The following WDR47 variants were observed in gnomAD, a reference collection of about 807,000 sequenced individuals.
WDR47 encodes WD repeat-containing protein 47.
Under a neutral mutation model 97.2 loss-of-function variants are expected in WDR47, and 32 were observed. The observed-to-expected ratio is 0.33, with a 90% CI of 0.25 to 0.44. The LOEUF (loss-of-function observed/expected upper bound fraction) is 0.44, where lower values mean the gene tolerates loss of function less well. WDR47 is among the 20% of genes least tolerant of loss of function. The pLI is 1.00. For missense variants in WDR47, 782 were observed against 1,102.3 expected (o/e 0.71, Z 4.11); for synonymous variants, 375 against 373.5 (o/e 1.00, Z -0.05).
intron 7 of WDR47, among the ~76,000 whole-genome samples, chr1:109,001,009 A>G (rs370487755): frequency 9.2e-5 from 14 of 152,046 alleles, no homozygotes; most frequent in African/African-American, 3.1e-4. Context: ...ACACACATAC[A>G]TAAGACCGGG....
Position 108,971,448 on chromosome 1 carries a change from G to A in WDR47, c.2742C>T (p.Leu914=). ...GTGTGCTCTACCCATTGTAAGTCCA[G>A]AGGGTGACAGTTCTATCTGCAGAGG... ...LSSSADRTVT[L]WTYNG The change falls in exon 15 of 15, where the codon CTC becomes CTT. Residue 914 remains leucine, a synonymous_variant. Coordinates refer to ENST00000369962, the MANE Select transcript of WDR47 (RefSeq NM_001142551.2). The A allele has an allele frequency of 1.9e-6, 3 of 1,614,184 alleles. No individual in the cohort carries two copies. Among genetic ancestry groups the A allele is most frequent in the Non-Finnish European group, 2.5e-6 (3 of 1,180,024 alleles).
intron 7 of WDR47, among the ~76,000 whole-genome samples, chr1:108,996,333 C>T (rs1005368738): frequency 1.3e-5 from 2 of 152,184 alleles, no homozygotes; most frequent in Admixed American, 6.5e-5. Context: ...GGATTATAGG[C>T]ATGAACCACT....
intron 14 of WDR47, among the ~76,000 whole-genome samples, chr1:108,973,550 T>C (rs1486405078): frequency 6.6e-6 from 1 of 152,214 alleles, no homozygotes; most frequent in East Asian, 1.9e-4. Flanking sequence ...ATGCTAATGA[T>C]TTTTTAATGT....
At chr1:109,028,817 T>C (rs1662409540) in intron 1 of WDR47, among the ~76,000 whole-genome samples, 1 of 152,128 alleles carries the variant, frequency 6.6e-6, no homozygotes, top group Non-Finnish European at 1.5e-5. Flanking sequence ...TATTTAATAA[T>C]ACATATATAA....
intron 2 of WDR47, among the ~76,000 whole-genome samples, chr1:109,018,553 G>A (rs898221209): frequency 6.6e-6 from 1 of 152,026 alleles, no homozygotes; most frequent in South Asian, 2.1e-4. Context: ...AGTGGCTCAT[G>A]TCTGTGGTCC....
intron 8 of WDR47, among the ~76,000 whole-genome samples, chr1:108,992,039 TAG>T (rs1169126190): frequency 1.3e-5 from 2 of 151,750 alleles, no homozygotes; most frequent in African/African-American, 4.8e-5. Flanking sequence ...AGATAAAAGG[TAG>T]AGACTAAAAT....
chr1:109,018,436 CAA>C (rs34692365), intron 2 of WDR47, among the ~76,000 whole-genome samples: 146 of 103,340 alleles, frequency 1.4e-3, no homozygotes, highest in Middle Eastern at 5.7e-3. Flanking sequence ...GACTCTGTCT[CAA>C]AAAAAAAAAA....
chr1:108,971,996 A>G (rs924422327), intron 14 of WDR47, among the ~76,000 whole-genome samples: 6 of 152,156 alleles, frequency 3.9e-5, no homozygotes, highest in Admixed American at 3.3e-4. Flanking sequence ...CAATTCATAC[A>G]TATTTTATCT....
At chr1:108,978,754 T>A (rs1287982870) in intron 13 of WDR47, among the ~76,000 whole-genome samples, 1 of 152,118 alleles carries the variant, frequency 6.6e-6, no homozygotes, top group Non-Finnish European at 1.5e-5. Context: ...GTGGAAGAAG[T>A]CAACTGTGTT....
intron 9 of WDR47, among the ~76,000 whole-genome samples, chr1:108,990,570 G>A (rs1468668181): frequency 1.3e-5 from 2 of 151,870 alleles, no homozygotes; most frequent in African/African-American, 4.8e-5. Context: ...CTTTTGCAAG[G>A]GACAAATATT....
At position 109,011,708 on chromosome 1, in the gene WDR47, G is replaced by C. The variant is rs757874957; in HGVS notation, c.338C>G (p.Thr113Ser). 1 of 1,571,062 alleles carries C rather than the reference G, an allele frequency of 6.4e-7. No homozygotes were observed. The highest frequency in any genetic ancestry group is 8.6e-7 in the Non-Finnish European group (1 of 1,157,644). Residue 113 changes from threonine to serine, a missense_variant, in exon 5 of 15, where the codon ACC becomes AGC. By Grantham distance (58) the Thr-to-Ser change is moderately conservative. Around this residue, in one of 3 missense-constraint regions of WDR47, gnomAD observed 428 missense variants for 584.3 expected, o/e 0.73. Coordinates refer to ENST00000369962, the MANE Select transcript of WDR47 (RefSeq NM_001142551.2). ...TAAACATTGCACAGCTTCTTGCATGGTAAATTCCAGCTGTAAGAAAAATAT... is the reference window on the plus strand; with the variant it reads ...TAAACATTGCACAGCTTCTTGCATGCTAAATTCCAGCTGTAAGAAAAATAT... Reference protein sequence around the residue: ...AEDEPQHLEFTMQEAVQCLHA... With the variant: ...AEDEPQHLEFSMQEAVQCLHA...
At chr1:109,020,094 TTAACA>T (rs1661715312) in intron 2 of WDR47, among the ~76,000 whole-genome samples, 3 of 151,852 alleles carry the variant, frequency 2.0e-5, no homozygotes, top group East Asian at 3.9e-4. Context: ...AAAAAAAAAA[TTAACA>T]TAAAGAAATT....
chr1:108,977,649 C>T (rs888667481), intron 13 of WDR47, among the ~76,000 whole-genome samples: 3 of 152,044 alleles, frequency 2.0e-5, no homozygotes, highest in Non-Finnish European at 4.4e-5. Context: ...GTCAGAAGTT[C>T]GAGACCAGCC....
intron 9 of WDR47, among the ~76,000 whole-genome samples, chr1:108,988,637 G>T (rs376628304): frequency 2.5e-3 from 373 of 151,934 alleles, no homozygotes; most frequent in African/African-American, 8.8e-3. Context: ...AGCTGAGATC[G>T]CACCACTGCA....
chr1:109,022,729 C>T (rs1176206972), intron 2 of WDR47, among the ~76,000 whole-genome samples: 1 of 152,018 alleles, frequency 6.6e-6, no homozygotes, highest in Non-Finnish European at 1.5e-5. Flanking sequence ...GGATTACAGG[C>T]ATGTGCCACC....
intron 7 of WDR47, among the ~76,000 whole-genome samples, chr1:108,996,072 C>T (rs960073169): frequency 1.3e-5 from 2 of 152,070 alleles, no homozygotes; most frequent in African/African-American, 4.8e-5. Context: ...GCATTATAGA[C>T]TTTTCTTTTT....
chr1:109,002,714 A>G (rs1278492898), intron 6 of WDR47, among the ~76,000 whole-genome samples: 1 of 152,220 alleles, frequency 6.6e-6, no homozygotes, highest in African/African-American at 2.4e-5. Context: ...ATGTAGATAA[A>G]GACTAATACA....
At chr1:108,975,446 C>T (rs9727898) in intron 13 of WDR47, among the ~76,000 whole-genome samples, 16,463 of 151,666 alleles carry the variant, frequency 0.11, 1,054 homozygotes, top group African/African-American at 0.16. Context: ...CATGGTGAAA[C>T]CCCATCTCTA....
intron 1 of WDR47, among the ~76,000 whole-genome samples, chr1:109,035,654 C>A (rs1662895711): frequency 6.6e-6 from 1 of 151,780 alleles, no homozygotes; most frequent in African/African-American, 2.4e-5. Flanking sequence ...CCCACCACCA[C>A]ACCCAGCTAT....
Sources: gnomAD v4.1 joint callset for allele counts (sites outside exome capture counted in the v4.1 genomes callset) on GRCh38, gnomAD v4.1.1 for gene constraint, gnomAD v4.1.1 regional missense constraint, MANE v1.5 for transcripts, NCBI Gene and HGNC (gene_info 2026-07-23, HGNC 2026-07-21) for gene names.